CTHRC1: variants seen among roughly 807,000 people sequenced by gnomAD.
The protein encoded by CTHRC1 is collagen triple helix repeat containing 1, also known as collagen triple helix repeat-containing protein 1.
A neutral mutation model predicts 25.9 loss-of-function variants in CTHRC1; 21 were observed. That is an observed-to-expected ratio of 0.81 (90% CI 0.57 to 1.17). The LOEUF (loss-of-function observed/expected upper bound fraction) is 1.17, where lower values mean the gene tolerates loss of function less well. CTHRC1 is among the 50% of genes most tolerant of loss of function. The pLI, the probability that CTHRC1 is intolerant of heterozygous loss-of-function variation, is 0.00. For synonymous variants in CTHRC1, 109 were observed against 113.1 expected (o/e 0.96, Z 0.23); for missense variants, 281 against 304.3 (o/e 0.92, Z 0.57).
rs1815701074 is a variant in CTHRC1, at chr8:103,371,671, C to T, written c.15C>T (p.Gly5=). The T allele has an allele frequency of 5.9e-6, 9 of 1,534,256 alleles. No homozygotes were observed. The highest frequency in any genetic ancestry group is 7.9e-6 in the Non-Finnish European group (9 of 1,141,502). ...AGCCGGGAGCCATGCGACCCCAGGG[C>T]CCCGCCGCCTCCCCGCAGCGGCTCC... The part of the protein sequence containing the change: MRPQ[G]PAASPQRLRG... The change falls in exon 1 of 4, where the codon GGC becomes GGT. Residue 5 remains glycine, a synonymous_variant. Coordinates refer to ENST00000330295, the MANE Select transcript of CTHRC1 (RefSeq NM_138455.4).
chr8:103,375,920 G>T lies in CTHRC1; in HGVS notation c.333G>T (p.Trp111Cys). 6.2e-7 allele frequency: 1 copy of T among 1,614,052 alleles called. No homozygotes were observed. The highest frequency in any genetic ancestry group is 8.5e-7 in the Non-Finnish European group (1 of 1,179,956). ...SWTPNYKQCS[W>C]SSLNYGIDLG... ...CACCCAACTACAAGCAGTGTTCATGGAGTTCATTGAATTATGGCATAGATC... is the reference window on the plus strand; with the variant it reads ...CACCCAACTACAAGCAGTGTTCATGTAGTTCATTGAATTATGGCATAGATC... The change falls in exon 2 of 4, where the codon TGG (tryptophan) becomes TGT (cysteine). Residue 111 changes from tryptophan to cysteine, a missense_variant. Trp to Cys is a radical substitution (Grantham distance 215). Transcript: ENST00000330295.
intron 1 of CTHRC1, among the ~76,000 whole-genome samples, chr8:103,374,035 G>A (rs1815760781): frequency 6.6e-6 from 1 of 151,986 alleles, no homozygotes; most frequent in Admixed American, 6.5e-5. Context: ...TACTTTTTGT[G>A]TCTTTGAATA....
chr8:103,372,797 C>T, intron 1 of CTHRC1: 1 of 602,044 alleles, frequency 1.7e-6, no homozygotes. Flanking sequence ...GTCTCACTTG[C>T]AGACAAACAT....
intron 1 of CTHRC1, chr8:103,372,480 C>A: frequency 6.3e-7 from 1 of 1,592,118 alleles, no homozygotes; most frequent in Non-Finnish European, 8.5e-7. Context: ...GGCGCTAACC[C>A]TCTAAGGACC....
rs1586549484 is a variant in CTHRC1 at position 103,371,604 on chromosome 8, C to A, written c.-53C>A. 3 of 1,520,504 alleles carry A rather than the reference C, an allele frequency of 2.0e-6. No homozygotes were observed. The highest frequency in any genetic ancestry group is 5.3e-5 in the East Asian group (2 of 37,764). 94.2% of individuals were successfully genotyped at this position (1,520,504 alleles called of 1,614,324 possible). On this transcript the variant is annotated 5_prime_UTR_variant, in exon 1 of 4. Transcript: ENST00000330295. ...GCGGAGCCAGACGCTGACCACGTTC[C>A]TCTCCTCGGTCTCCTCCGCCTCCAG...
chr8:103,374,460 C>T (rs905980384), intron 1 of CTHRC1, among the ~76,000 whole-genome samples: 8 of 152,134 alleles, frequency 5.3e-5, no homozygotes, highest in Non-Finnish European at 7.4e-5. Context: ...GTCTAATAAA[C>T]GGCACCTTTG....
chr8:103,380,170 G>A (rs190530779), intron 3 of CTHRC1, among the ~76,000 whole-genome samples: 152 of 152,272 alleles, frequency 1.0e-3, no homozygotes, highest in African/African-American at 3.2e-3. Context: ...TCAGACAGTC[G>A]TTGATATAAG....
intron 3 of CTHRC1, among the ~76,000 whole-genome samples, chr8:103,379,859 G>T (rs1815874797): frequency 6.6e-6 from 1 of 152,080 alleles, no homozygotes; most frequent in South Asian, 2.1e-4. Context: ...TTTTCCCTCA[G>T]ATCCCCACAA....
intron 1 of CTHRC1, among the ~76,000 whole-genome samples, chr8:103,372,107 G>C (rs977139538): frequency 2.0e-5 from 3 of 151,880 alleles, no homozygotes; most frequent in Non-Finnish European, 4.4e-5. Flanking sequence ...ATAATTTCTG[G>C]CCCCAGGGGG....
intron 1 of CTHRC1, 136 bp downstream of exon 1, chr8:103,371,942 G>C (rs1815712634): frequency 2.3e-6 from 2 of 863,734 alleles, no homozygotes; most frequent in South Asian, 2.2e-5. Flanking sequence ...TTGCTGCGCC[G>C]GGGTGTCATG....
At chr8:103,378,281 T>C in intron 3 of CTHRC1, 38 bp downstream of exon 3, 2 of 1,529,102 alleles carry the variant, frequency 1.3e-6, no homozygotes, top group Non-Finnish European at 1.8e-6. Flanking sequence ...GTGCCTCAGA[T>C]CTAAGTAAGA....
intron 3 of CTHRC1, 103 bp from the exon 4 acceptor site, chr8:103,382,355 A>T: frequency 8.2e-7 from 1 of 1,215,544 alleles, no homozygotes; most frequent in Non-Finnish European, 1.2e-6. Context: ...GTAGCATTAC[A>T]TTAAACAGAA....
chr8:103,378,235 C>T lies in CTHRC1; in HGVS notation c.581C>T (p.Thr194Ile). 1 of 1,611,182 alleles carries T rather than the reference C, an allele frequency of 6.2e-7. No individual in the cohort carries two copies. The highest frequency in any genetic ancestry group is 8.5e-7 in the Non-Finnish European group (1 of 1,178,726). The change falls in exon 3 of 4, where the codon ACT (threonine) becomes ATT (isoleucine). Residue 194 changes from threonine to isoleucine, a missense_variant. Thr to Ile is a moderately conservative substitution (Grantham distance 89, BLOSUM62 -1). Transcript: ENST00000330295. ...EMNSTINIHRTSSVEGLCEGI... is the reference protein window; with the variant it reads ...EMNSTINIHRISSVEGLCEGI... ...AATTCAACAATTAATATTCATCGCA[C>T]TTCTTCTGGTATGTAAAATTGTGAC...
chr8:103,375,736 A>G lies in CTHRC1; in HGVS notation c.151-2A>G, dbSNP rs1314479064. 1 of 1,611,950 alleles carries G rather than the reference A, an allele frequency of 6.2e-7. No individual in the cohort carries two copies. On this transcript the variant is annotated splice_acceptor_variant, in intron 1 of 3. Coordinates refer to ENST00000330295, the MANE Select transcript of CTHRC1 (RefSeq NM_138455.4). LOFTEE classifies it high-confidence loss of function. ...TTCTTTGCCTTTTCTTTCTCATTAT[A>G]GTATAATGGAATGTGCTTACAAGGG...
At chr8:103,375,409 G>C (rs1236076376) in intron 1 of CTHRC1, among the ~76,000 whole-genome samples, 1 of 152,102 alleles carries the variant, frequency 6.6e-6, no homozygotes, top group Admixed American at 6.6e-5. Flanking sequence ...GAAAAAAGCA[G>C]AATATCAAAT....
chr8:103,382,363 G>T, intron 3 of CTHRC1, 95 bp from the exon 4 acceptor site: 1 of 1,306,336 alleles, frequency 7.7e-7, no homozygotes, highest in South Asian at 1.2e-5. Flanking sequence ...ACATTAAACA[G>T]AATTACAAAC....
intron 3 of CTHRC1, among the ~76,000 whole-genome samples, chr8:103,379,154 T>C (rs1815860780): frequency 6.6e-6 from 1 of 152,244 alleles, no homozygotes; most frequent in African/African-American, 2.4e-5. Flanking sequence ...GTTTCTGTAT[T>C]CTGTTTCCAC....
At position 103,371,580 on chromosome 8, in the gene CTHRC1, C is replaced by G; in HGVS notation, c.-77C>G. ...AGCCTGCGGCGGCCTCGGAGCGCGG[C>G]GGAGCCAGACGCTGACCACGTTCCT... is the stretch of plus-strand genomic sequence containing the variant. On this transcript the variant is annotated 5_prime_UTR_variant, in exon 1 of 4. Transcript: ENST00000330295. 1 of 1,467,318 alleles carries G rather than the reference C, an allele frequency of 6.8e-7. No individual in the cohort carries two copies. The highest frequency in any genetic ancestry group is 9.1e-7 in the Non-Finnish European group (1 of 1,097,164). 90.9% of individuals were successfully genotyped at this position (1,467,318 alleles called of 1,614,324 possible). A position where few individuals can be genotyped will look rare whatever the true frequency, so the allele number is the denominator to read the frequency against.
intron 3 of CTHRC1, among the ~76,000 whole-genome samples, chr8:103,381,938 C>T (rs184026982): frequency 3.3e-5 from 5 of 151,508 alleles, no homozygotes; most frequent in Non-Finnish European, 5.9e-5. Context: ...GCGGAGGTTG[C>T]GGTGCACTGA....
Sources: allele counts gnomAD v4.1 joint callset (sites outside exome capture counted in the v4.1 genomes callset), GRCh38; gene constraint gnomAD v4.1.1; transcripts MANE v1.5; gene names NCBI Gene and HGNC (gene_info 2026-07-23, HGNC 2026-07-21).